Variants in PSIP1 observed in about 807,000 individuals in gnomAD.
PSIP1 encodes PC4 and SFRS1-interacting protein.
PSIP1 carries 19 observed loss-of-function variants against 74.7 expected under a neutral mutation model. That is an observed-to-expected ratio of 0.25 (90% CI 0.18 to 0.37). The LOEUF is 0.37. Ranked by LOEUF, PSIP1 falls within the 10% of genes least tolerant of loss-of-function variation. PSIP1 has a pLI of 1.00. For missense variants in PSIP1, 601 were observed against 614.3 expected (o/e 0.98, Z 0.23); for synonymous variants, 222 against 195.3 (o/e 1.14, Z -1.14).
intron 10 of PSIP1, chr9:15,471,417 T>C: frequency 6.8e-7 from 1 of 1,476,214 alleles, no homozygotes; most frequent in South Asian, 1.3e-5. Context: ...CTGAAATACA[T>C]AAAGATAACT....
chr9:15,466,572 G>A (rs537028711), intron 15 of PSIP1, among the ~76,000 whole-genome samples, 176 bp downstream of exon 15: 1 of 152,318 alleles, frequency 6.6e-6, no homozygotes, highest in African/African-American at 2.4e-5. Context: ...CAAAGTCACT[G>A]TCAATAAAAG....
chr9:15,488,630 T>C (rs1202256544), intron 4 of PSIP1, among the ~76,000 whole-genome samples: 1 of 152,164 alleles, frequency 6.6e-6, no homozygotes, highest in African/African-American at 2.4e-5. Context: ...TCTAAGCCTA[T>C]AATCCCAGCA....
At chr9:15,484,643 CGT>C (rs1456071253) in intron 6 of PSIP1, among the ~76,000 whole-genome samples, 1 of 152,002 alleles carries the variant, frequency 6.6e-6, no homozygotes, top group African/African-American at 2.4e-5. Context: ...AGGAGAATCA[CGT>C]GAACCTGGGA....
chr9:15,484,375 G>T (rs1442940450), intron 6 of PSIP1, among the ~76,000 whole-genome samples: 1 of 151,758 alleles, frequency 6.6e-6, no homozygotes, highest in South Asian at 2.1e-4. Flanking sequence ...GAGATGGGCA[G>T]ATCACCTGAG....
At chr9:15,480,365 C>G (rs1177826597) in intron 6 of PSIP1, among the ~76,000 whole-genome samples, 1 of 152,184 alleles carries the variant, frequency 6.6e-6, no homozygotes, top group African/African-American at 2.4e-5. Context: ...ACTCCCCCAA[C>G]TATTTAGAAT....
Position 15,510,242 on chromosome 9 carries a change from G to A in PSIP1, c.-54C>T. On this transcript the variant is annotated 5_prime_UTR_variant, in exon 2 of 16. Coordinates refer to ENST00000380733, the MANE Select transcript of PSIP1 (RefSeq NM_033222.5). ...GCCCGGGAGGCGGCGAGGAGATGCG[G>A]CGGCGCGGGGATGCGGGCGGCGGAC... The A allele has an allele frequency of 1.9e-6, 3 of 1,552,482 alleles. No homozygotes were observed. Among genetic ancestry groups the A allele is most frequent in the South Asian group, 2.3e-5 (2 of 87,032 alleles).
chr9:15,465,738 T>C (rs2035580101), intron 15 of PSIP1, 158 bp from the exon 16 acceptor site: 4 of 562,478 alleles, frequency 7.1e-6, no homozygotes, highest in South Asian at 2.9e-5. Flanking sequence ...GTCATTATTA[T>C]TTTTTTCTTC....
chr9:15,494,531 C>CTG (rs2036981853), intron 3 of PSIP1, among the ~76,000 whole-genome samples: 1 of 126,574 alleles, frequency 7.9e-6, no homozygotes, highest in African/African-American at 3.0e-5. Flanking sequence ...CACCATTGCA[C>CTG]TCCAGCCTGG....
chr9:15,489,911 C>G, intron 4 of PSIP1, 75 bp downstream of exon 4: 1 of 1,241,114 alleles, frequency 8.1e-7, no homozygotes, highest in South Asian at 2.0e-5. Flanking sequence ...TTAGTATTTA[C>G]TTTCCTACAG....
rs561222997 is a variant in PSIP1 at position 15,465,326 on chromosome 9, T to C, written c.*194A>G. The C allele has an allele frequency of 1.1e-5, 6 of 524,722 alleles. No individual in the cohort carries two copies. Among genetic ancestry groups the C allele is most frequent in the African/African-American group, 8.0e-5 (4 of 50,236 alleles). 32.5% of individuals were successfully genotyped at this position (524,722 alleles called of 1,614,324 possible). On this transcript the variant is annotated 3_prime_UTR_variant, in exon 16 of 16. Coordinates refer to ENST00000380733, the MANE Select transcript of PSIP1 (RefSeq NM_033222.5). ...ATTTTATCCCACATTTACTGTATAA[T>C]GTAGCTGTTAATACTGCACAAGTAC... is the stretch of plus-strand genomic sequence containing the variant.
intron 14 of PSIP1, 45 bp from the exon 15 acceptor site, chr9:15,466,904 A>G: frequency 6.9e-7 from 1 of 1,450,678 alleles, no homozygotes; most frequent in Non-Finnish European, 9.6e-7. Context: ...AGCTTACAAA[A>G]CAATAATTGA....
At chr9:15,468,432 T>C in intron 14 of PSIP1, 198 bp downstream of exon 14, 1 of 768,028 alleles carries the variant, frequency 1.3e-6, no homozygotes, top group Non-Finnish European at 2.4e-6. Context: ...AAGTCGAATA[T>C]AAACTGACAT....
chr9:15,509,459 G>A (rs541661629), intron 2 of PSIP1, among the ~76,000 whole-genome samples: 39 of 152,134 alleles, frequency 2.6e-4, no homozygotes, highest in Non-Finnish European at 4.7e-4. Context: ...TGAGGAATCT[G>A]GTCCACACCT....
intron 3 of PSIP1, among the ~76,000 whole-genome samples, chr9:15,498,595 T>C (rs1456439513): frequency 6.6e-6 from 1 of 152,108 alleles, no homozygotes; most frequent in East Asian, 1.9e-4. Context: ...CTATACTACT[T>C]CCCAAGGGTA....
intron 8 of PSIP1, among the ~76,000 whole-genome samples, chr9:15,477,916 T>A (rs1019262687): frequency 7.0e-4 from 107 of 151,850 alleles, no homozygotes; most frequent in African/African-American, 2.2e-3. Flanking sequence ...GGTGGGAGAA[T>A]CGTTTGAGCC....
At chr9:15,471,574 G>A in intron 10 of PSIP1, 2 of 957,880 alleles carry the variant, frequency 2.1e-6, no homozygotes, top group South Asian at 9.7e-5. Context: ...AGGTGACAAA[G>A]AATAACTTAA....
At chr9:15,500,817 C>T (rs1013409767) in intron 3 of PSIP1, among the ~76,000 whole-genome samples, 10 of 152,096 alleles carry the variant, frequency 6.6e-5, no homozygotes, top group African/African-American at 2.4e-4. Flanking sequence ...TTTAAATTTC[C>T]TAGACTTCTA....
At chr9:15,509,577 T>G (rs578127140) in intron 2 of PSIP1, among the ~76,000 whole-genome samples, 1 of 152,368 alleles carries the variant, frequency 6.6e-6, no homozygotes, top group East Asian at 1.9e-4. Context: ...GGTACTAAAC[T>G]ACTGTAATAC....
chr9:15,468,235 T>C (rs897434610), intron 14 of PSIP1: 1 of 420,358 alleles, frequency 2.4e-6, no homozygotes, highest in South Asian at 1.7e-5. Flanking sequence ...AGTCTCCACC[T>C]ATGAGGCTGT....
Sources: gnomAD v4.1 joint callset for allele counts (sites outside exome capture counted in the v4.1 genomes callset) on GRCh38, gnomAD v4.1.1 for gene constraint, MANE v1.5 for transcripts, NCBI Gene and HGNC (gene_info 2026-07-23, HGNC 2026-07-21) for gene names.